Variants in EPHA6 observed in about 807,000 individuals in gnomAD.
EPHA6 encodes the protein ephrin type-A receptor 6.
EPHA6 carries 50 observed loss-of-function variants against 112.0 expected under a neutral mutation model. The ratio of observed to expected loss-of-function variants is 0.45; its 90% confidence interval spans 0.36 to 0.56. The LOEUF (loss-of-function observed/expected upper bound fraction) is 0.56, where lower values mean the gene tolerates loss of function less well. Ranked by LOEUF, EPHA6 falls within the 20% of genes least tolerant of loss-of-function variation. The pLI, the probability that EPHA6 is intolerant of heterozygous loss-of-function variation, is 0.00. For synonymous variants in EPHA6, 529 were observed against 490.7 expected (o/e 1.08, Z -1.03); for missense variants, 1,280 against 1,417.4 (o/e 0.90, Z 1.56).
chr3:97,692,341 C>T (rs1379308752), intron 14 of EPHA6, among the ~76,000 whole-genome samples: 1 of 152,018 alleles, frequency 6.6e-6, no homozygotes, highest in Admixed American at 6.6e-5. Flanking sequence ...TTTAGAAGGA[C>T]TTCTGGAATA....
intron 2 of EPHA6, among the ~76,000 whole-genome samples, chr3:96,934,571 A>C (rs1172305290): frequency 6.6e-6 from 1 of 151,480 alleles, no homozygotes; most frequent in African/African-American, 2.4e-5. Context: ...GTGTTAAACT[A>C]CCTATTGAGT....
intron 13 of EPHA6, among the ~76,000 whole-genome samples, chr3:97,628,127 A>G (rs766278496): frequency 2.5e-4 from 38 of 152,050 alleles, no homozygotes; most frequent in Non-Finnish European, 5.3e-4. Context: ...AGGCACAAAT[A>G]GATGCAGGGA....
intron 1 of EPHA6, among the ~76,000 whole-genome samples, chr3:96,819,461 A>G (rs940245460): frequency 1.3e-5 from 2 of 151,992 alleles, no homozygotes; most frequent in African/African-American, 4.8e-5. Flanking sequence ...CCCACCTCAC[A>G]TACACAAATG....
At chr3:96,968,945 A>G (rs2042222942) in intron 2 of EPHA6, among the ~76,000 whole-genome samples, 1 of 151,946 alleles carries the variant, frequency 6.6e-6, no homozygotes, top group Non-Finnish European at 1.5e-5. Flanking sequence ...CCAAATCTAC[A>G]TAAATGCATA....
chr3:97,493,808 T>G (rs1026775485), intron 10 of EPHA6, among the ~76,000 whole-genome samples: 7 of 152,196 alleles, frequency 4.6e-5, no homozygotes, highest in Non-Finnish European at 7.3e-5. Flanking sequence ...AACTTAGAGC[T>G]GAGTTTAGGC....
chr3:97,736,470 AGTGTGTGTGTGTGTGTGTGT>A (rs376497031), intron 16 of EPHA6, among the ~76,000 whole-genome samples: 2 of 118,812 alleles, frequency 1.7e-5, no homozygotes, highest in African/African-American at 6.9e-5. Context: ...AGAGAGAGAG[AGTGTGTGTGTGTGTGTGTGT>A]GTGTGTGTGT....
At chr3:97,450,633 C>T (rs2090494635) in intron 7 of EPHA6, among the ~76,000 whole-genome samples, 2 of 151,976 alleles carry the variant, frequency 1.3e-5, no homozygotes, top group Admixed American at 6.6e-5. Flanking sequence ...ACTTTCAAGA[C>T]AATTTCTTCA....
At chr3:97,276,504 G>A (rs2080086164) in intron 5 of EPHA6, among the ~76,000 whole-genome samples, 1 of 152,130 alleles carries the variant, frequency 6.6e-6, no homozygotes, top group Non-Finnish European at 1.5e-5. Flanking sequence ...TCAGGCGTTT[G>A]GAAGTTCTTG....
chr3:97,117,484 G>A (rs142659679), intron 3 of EPHA6, among the ~76,000 whole-genome samples: 275 of 151,644 alleles, frequency 1.8e-3, no homozygotes, highest in African/African-American at 2.4e-3. Context: ...GCTTTGAGTC[G>A]ATATTTGTAT....
intron 2 of EPHA6, among the ~76,000 whole-genome samples, chr3:96,952,668 C>A (rs537812133): frequency 6.6e-6 from 1 of 152,276 alleles, no homozygotes; most frequent in East Asian, 1.9e-4. Flanking sequence ...CCAGTGTTAA[C>A]ATTATTTGAC....
chr3:97,137,599 AT>A (rs1324896986), intron 3 of EPHA6, among the ~76,000 whole-genome samples: 1 of 152,172 alleles, frequency 6.6e-6, no homozygotes, highest in South Asian at 2.1e-4. Flanking sequence ...CCATCAAGTA[AT>A]TTATTGATGC....
At chr3:97,457,787 C>A (rs965939447) in intron 7 of EPHA6, among the ~76,000 whole-genome samples, 5 of 152,026 alleles carry the variant, frequency 3.3e-5, no homozygotes, top group Admixed American at 2.0e-4. Context: ...AGCTTAATGG[C>A]CGGGCGCGGT....
chr3:96,923,373 A>G (rs2039873020), intron 2 of EPHA6, among the ~76,000 whole-genome samples: 1 of 152,094 alleles, frequency 6.6e-6, no homozygotes, highest in Admixed American at 6.6e-5. Context: ...TTTGATTTGC[A>G]TTTCCCTAAT....
intron 5 of EPHA6, among the ~76,000 whole-genome samples, chr3:97,396,751 A>C (rs2086716822): frequency 2.0e-5 from 3 of 151,704 alleles, no homozygotes; most frequent in African/African-American, 7.2e-5. Context: ...CATTCCATTG[A>C]TTTATGAGAT....
At chr3:97,551,508 T>G (rs1014603375) in intron 11 of EPHA6, among the ~76,000 whole-genome samples, 1 of 152,198 alleles carries the variant, frequency 6.6e-6, no homozygotes, top group Non-Finnish European at 1.5e-5. Context: ...TTTGGGATTC[T>G]TAGCCCTGAA....
At chr3:97,696,123 G>A (rs1317192656) in intron 14 of EPHA6, among the ~76,000 whole-genome samples, 3 of 152,202 alleles carry the variant, frequency 2.0e-5, no homozygotes, top group East Asian at 1.9e-4. Context: ...ACCATGGATT[G>A]CAAATAGAAA....
chr3:96,994,454 A>G (rs1159143152), intron 3 of EPHA6, among the ~76,000 whole-genome samples: 1 of 152,018 alleles, frequency 6.6e-6, no homozygotes, highest in Non-Finnish European at 1.5e-5. Context: ...TTTACATCAA[A>G]TGGTCTTTCA....
chr3:97,469,337 G>A (rs2091155059), intron 7 of EPHA6, among the ~76,000 whole-genome samples: 1 of 151,600 alleles, frequency 6.6e-6, no homozygotes, highest in Non-Finnish European at 1.5e-5. Flanking sequence ...CTTCTAATCT[G>A]TTGCCTACTA....
At chr3:96,932,238 T>G (rs2040361953) in intron 2 of EPHA6, among the ~76,000 whole-genome samples, 1 of 152,162 alleles carries the variant, frequency 6.6e-6, no homozygotes, top group African/African-American at 2.4e-5. Flanking sequence ...GGTACTATAT[T>G]CATTCACCCC....
Sources: gnomAD v4.1 joint callset for allele counts (sites outside exome capture counted in the v4.1 genomes callset) on GRCh38, gnomAD v4.1.1 for gene constraint, MANE v1.5 for transcripts, NCBI Gene and HGNC (gene_info 2026-07-23, HGNC 2026-07-21) for gene names.